The following AGO2 variants were observed in gnomAD, a reference collection of about 807,000 sequenced individuals.
AGO2 encodes the protein protein argonaute-2.
A neutral mutation model predicts 102.3 loss-of-function variants in AGO2; 5 were observed. The observed-to-expected ratio is 0.05, with a 90% CI of 0.03 to 0.10. AGO2 has a LOEUF of 0.10. AGO2 is among the 10% of genes least tolerant of loss of function. The pLI, the probability that AGO2 is intolerant of heterozygous loss-of-function variation, is 1.00. For synonymous variants in AGO2, 449 were observed against 473.1 expected, an observed-to-expected ratio of 0.95 and a Z score of 0.66; for missense variants, 541 against 1,183.7, an observed-to-expected ratio of 0.46 and a Z score of 7.97.
chr8:140,533,127 C>T (rs1425491067), intron 17 of AGO2, among the ~76,000 whole-genome samples: 1 of 151,852 alleles, frequency 6.6e-6, no homozygotes. Context: ...CGGTGGCTCA[C>T]ACCTGTAATC....
intron 6 of AGO2, among the ~76,000 whole-genome samples, chr8:140,558,832 C>T (rs1035694206): frequency 6.6e-6 from 1 of 152,224 alleles, no homozygotes; most frequent in African/African-American, 2.4e-5. Flanking sequence ...TTCTGCGCCC[C>T]CCATGGGTCA....
chr8:140,640,176 T>G (rs1563666558), upstream of AGO2, among the ~76,000 whole-genome samples: 1 of 151,830 alleles, frequency 6.6e-6, no homozygotes. Flanking sequence ...ACCCGGCTAA[T>G]TTTTTGTATT....
Position 140,589,121 on chromosome 8 carries a change from C to T in AGO2, c.23-3810G>A, listed in dbSNP as rs556384170. 4.1e-4 allele frequency among the ~76,000 whole-genome samples: 62 copies of T among 152,324 alleles called. No homozygotes were observed. Among genetic ancestry groups the T allele is most frequent in the African/African-American group, 1.5e-3 (61 of 41,578 alleles). ...AAGAAACTCCTTTCGGAGTTGGCTC[C>T]TCCCCGACTTTTCAGGGAGGGATGT... On this transcript the variant is annotated intron_variant, in intron 1 of 18. Transcript: ENST00000220592. This position sits in a 1 kb window ranked among gnomAD's most constrained non-coding sequence, Gnocchi z 4.2.
rs937624246 is a variant in AGO2, at chr8:140,527,789, G to C, written c.*4255C>G. On this transcript the variant is annotated 3_prime_UTR_variant, in exon 19 of 19. Coordinates refer to ENST00000220592, the MANE Select transcript of AGO2 (RefSeq NM_012154.5). The surrounding 1 kb of genome is among the most constrained non-coding windows in gnomAD (Gnocchi z 6.0). ...GTCACAGGAAAATGTCGTATGGCTTGTCTGGGCCACTGGGATTGTCCACTG... is the reference window on the plus strand; with the variant it reads ...GTCACAGGAAAATGTCGTATGGCTTCTCTGGGCCACTGGGATTGTCCACTG... 2.6e-4 allele frequency: 40 copies of C among 152,268 alleles called. No individual in the cohort carries two copies. The highest frequency in any genetic ancestry group is 8.9e-4 in the African/African-American group (37 of 41,462). 9.4% of individuals were successfully genotyped at this position (152,268 alleles called of 1,614,324 possible).
chr8:140,605,136 C>G (rs1045532438), intron 1 of AGO2, among the ~76,000 whole-genome samples: 3 of 152,152 alleles, frequency 2.0e-5, no homozygotes, highest in African/African-American at 7.2e-5. Flanking sequence ...TCCTCTCTTA[C>G]TGAAGCTGGA....
At chr8:140,593,997 C>A (rs1417888545) in intron 1 of AGO2, among the ~76,000 whole-genome samples, 4 of 152,242 alleles carry the variant, frequency 2.6e-5, no homozygotes, top group Non-Finnish European at 5.9e-5. Flanking sequence ...GGAATACCTG[C>A]CCACCAGTGA....
intron 17 of AGO2, among the ~76,000 whole-genome samples, chr8:140,534,821 C>T (rs183873610): frequency 3.2e-4 from 48 of 152,318 alleles, no homozygotes; most frequent in Admixed American, 6.5e-4. Flanking sequence ...TCCTGTCCCC[C>T]GGGCGAGGCT....
intron 1 of AGO2, among the ~76,000 whole-genome samples, chr8:140,624,078 G>A (rs530328630): frequency 6.0e-4 from 91 of 152,050 alleles, no homozygotes; most frequent in Non-Finnish European, 1.0e-3. Flanking sequence ...GCGATGGACC[G>A]TCCCCTCCTG....
At chr8:140,609,590 C>T (rs187610759) in intron 1 of AGO2, among the ~76,000 whole-genome samples, 2 of 152,334 alleles carry the variant, frequency 1.3e-5, no homozygotes, top group Admixed American at 1.3e-4. Context: ...TCCCTAACAC[C>T]CCAACTGCAC....
At chr8:140,535,199 C>T (rs1463857562) in intron 17 of AGO2, among the ~76,000 whole-genome samples, 1 of 152,220 alleles carries the variant, frequency 6.6e-6, no homozygotes. Context: ...CACCACACCC[C>T]TGGCTCCCCA....
At chr8:140,556,807 A>G (rs2073101907) in intron 8 of AGO2, among the ~76,000 whole-genome samples, 1 of 152,192 alleles carries the variant, frequency 6.6e-6, no homozygotes, top group South Asian at 2.1e-4. Flanking sequence ...GCAACGGTGC[A>G]GTGACGGAGC....
rs754256859 is a variant in AGO2 at position 140,523,865 on chromosome 8, A to G, written c.*8179T>C. ...TTGGGGGAGAAAGAGGGGAGGGCCAAGAGGAGCCACCAAGAAGAACTTCCT... is the reference window on the plus strand; with the variant it reads ...TTGGGGGAGAAAGAGGGGAGGGCCAGGAGGAGCCACCAAGAAGAACTTCCT... On this transcript the variant is annotated 3_prime_UTR_variant, in exon 19 of 19. Transcript: ENST00000220592. 3.3e-5 allele frequency: 5 copies of G among 152,244 alleles called. No individual in the cohort carries two copies. The highest frequency in any genetic ancestry group is 7.3e-5 in the Non-Finnish European group (5 of 68,064). 9.4% of individuals were successfully genotyped at this position (152,244 alleles called of 1,614,324 possible). A position where few individuals can be genotyped will look rare whatever the true frequency, so the allele number is the denominator to read the frequency against.
At chr8:140,552,501 T>G (rs1462629248) in intron 10 of AGO2, among the ~76,000 whole-genome samples, 2 of 152,220 alleles carry the variant, frequency 1.3e-5, no homozygotes, top group Non-Finnish European at 1.5e-5. Context: ...GAGAGGTTTT[T>G]GTTTTTTTTA....
At chr8:140,616,708 G>A (rs923074930) in intron 1 of AGO2, among the ~76,000 whole-genome samples, 22 of 152,288 alleles carry the variant, frequency 1.4e-4, no homozygotes, top group African/African-American at 4.3e-4. Flanking sequence ...CCAGGGCCTC[G>A]GTGCCAGAGC....
chr8:140,564,754 C>T (rs560836725), intron 3 of AGO2, among the ~76,000 whole-genome samples: 4 of 151,958 alleles, frequency 2.6e-5, no homozygotes, highest in Admixed American at 2.6e-4. Flanking sequence ...ACCAGCCTGG[C>T]CAATGTGGCA....
intron 3 of AGO2, among the ~76,000 whole-genome samples, chr8:140,571,121 C>T (rs1028381989): frequency 2.0e-5 from 3 of 152,332 alleles, no homozygotes; most frequent in Admixed American, 2.0e-4. Context: ...GGACTTGCTC[C>T]TCTTGGGAAA....
intron 1 of AGO2, among the ~76,000 whole-genome samples, chr8:140,594,542 C>T (rs886168843): frequency 2.6e-5 from 4 of 151,992 alleles, no homozygotes; most frequent in East Asian, 1.9e-4. Flanking sequence ...AATCTCAGCA[C>T]TTTGGGAGGC....
In AGO2 at chr8:140,566,602, CTT is replaced by C. The variant is rs71504806; in HGVS notation, c.337-3970_337-3969del. ...ACTCACTGGTTCCCCCCTTTACTTT[CTT>C]TTTTTTTTTTTTTTGGGGGGGGGGA... On this transcript the variant is annotated intron_variant, in intron 3 of 18. Transcript: ENST00000220592. 1.5e-3 allele frequency among the ~76,000 whole-genome samples: 209 copies of C among 137,048 alleles called. 2 individuals carry two copies. The highest frequency in any genetic ancestry group is 2.5e-3 in the Admixed American group (35 of 13,754). 89.9% of individuals were successfully genotyped at this position (137,048 alleles called of 152,430 possible).
intron 1 of AGO2, among the ~76,000 whole-genome samples, chr8:140,614,699 A>G: frequency 6.6e-6 from 1 of 152,200 alleles, no homozygotes; most frequent in East Asian, 1.9e-4. Context: ...CCAGGTCTGA[A>G]TCCAGGATCC....
Sources: gnomAD v4.1 joint callset for allele counts (sites outside exome capture counted in the v4.1 genomes callset) on GRCh38, gnomAD v4.1.1 for gene constraint, Gnocchi (gnomAD v3.1) non-coding constraint, MANE v1.5 for transcripts, NCBI Gene and HGNC (gene_info 2026-07-23, HGNC 2026-07-21) for gene names.